The following AKAP13 variants were observed in gnomAD, a reference collection of about 807,000 sequenced individuals.
AKAP13 encodes A-kinase anchoring protein 13.
AKAP13 carries 80 observed loss-of-function variants against 264.5 expected under a neutral mutation model. The ratio of observed to expected loss-of-function variants is 0.30; its 90% CI spans 0.25 to 0.36. The LOEUF (loss-of-function observed/expected upper bound fraction) is 0.36. Ranked by LOEUF, AKAP13 falls within the 10% of genes least tolerant of loss-of-function variation. The probability of loss-of-function intolerance (pLI) is 1.00; values close to 1 mark genes in which losing one functional copy is unlikely to be tolerated. For missense variants in AKAP13, 3,712 were observed against 3,435.2 expected (o/e 1.08, Z -2.01); for synonymous variants, 1,380 against 1,250.2 (o/e 1.10, Z -2.19).
chr15:85,482,645 C>A (rs749359348), intron 1 of AKAP13, among the ~76,000 whole-genome samples: 3 of 152,184 alleles, frequency 2.0e-5, no homozygotes, highest in African/African-American at 4.8e-5. Context: ...TGAATCTGGT[C>A]TCTCCAACTT....
intron 1 of AKAP13, among the ~76,000 whole-genome samples, chr15:85,485,315 C>G (rs1391892382): frequency 6.6e-6 from 1 of 152,102 alleles, no homozygotes; most frequent in Admixed American, 6.5e-5. Context: ...TTTCCAGGCT[C>G]CCTAGTAAGA....
intron 1 of AKAP13, among the ~76,000 whole-genome samples, chr15:85,454,291 A>G (rs1489532280): frequency 6.6e-6 from 1 of 152,154 alleles, no homozygotes; most frequent in Non-Finnish European, 1.5e-5. Flanking sequence ...TGTTGGTCAG[A>G]CTGAAGACTG....
chr15:85,658,479 C>T (rs2083199380), intron 11 of AKAP13, 58 bp from the exon 12 acceptor site: 1 of 1,482,034 alleles, frequency 6.7e-7, no homozygotes, highest in South Asian at 1.1e-5. Flanking sequence ...ATGTTTCATG[C>T]ATTTGTATCC....
intron 7 of AKAP13, chr15:85,582,826 C>G (rs1023496622): frequency 4.1e-6 from 4 of 978,620 alleles, no homozygotes; most frequent in African/African-American, 3.5e-5. Flanking sequence ...GATTTCCGCC[C>G]AAGCCCAGTC....
chr15:85,599,621 C>G (rs1441365295), intron 8 of AKAP13, among the ~76,000 whole-genome samples: 1 of 152,172 alleles, frequency 6.6e-6, no homozygotes, highest in South Asian at 2.1e-4. Flanking sequence ...CCTAACAATG[C>G]CAAGTTTTCT....
chr15:85,530,892 A>C (rs1377762432), intron 3 of AKAP13, among the ~76,000 whole-genome samples: 1 of 152,120 alleles, frequency 6.6e-6, no homozygotes, highest in Non-Finnish European at 1.5e-5. Flanking sequence ...TTATTTATTT[A>C]TTTAGAGACA....
intron 1 of AKAP13, among the ~76,000 whole-genome samples, chr15:85,386,304 ATT>A (rs899215206): frequency 6.9e-6 from 1 of 145,918 alleles, no homozygotes; most frequent in Admixed American, 6.9e-5. Flanking sequence ...ACAAGTTATT[ATT>A]TTTTTTTTTA....
chr15:85,735,982 G>C (rs1308947751), intron 32 of AKAP13, 108 bp from the exon 33 acceptor site: 3 of 902,342 alleles, frequency 3.3e-6, no homozygotes, highest in Admixed American at 4.0e-5. Context: ...ACCTTAGTGA[G>C]AGGCTGTGGT....
intron 16 of AKAP13, chr15:85,691,725 C>T (rs1193197564): frequency 1.1e-5 from 5 of 447,620 alleles, no homozygotes; most frequent in Non-Finnish European, 2.2e-5. Flanking sequence ...TGTACCTAGC[C>T]CGGTTTTGGC....
chr15:85,623,253 AAAC>A (rs2081272800), intron 8 of AKAP13, among the ~76,000 whole-genome samples: 1 of 152,228 alleles, frequency 6.6e-6, no homozygotes, highest in African/African-American at 2.4e-5. Context: ...TAAACACTCA[AAAC>A]AACGTTTGTT....
intron 5 of AKAP13, among the ~76,000 whole-genome samples, chr15:85,557,358 C>T (rs2078187372): frequency 6.6e-6 from 1 of 152,132 alleles, no homozygotes; most frequent in Admixed American, 6.5e-5. Flanking sequence ...CAGCTTTTTA[C>T]AATCGTTTTA....
chr15:85,502,503 T>G (rs1264871373), intron 2 of AKAP13, among the ~76,000 whole-genome samples: 1 of 152,206 alleles, frequency 6.6e-6, no homozygotes, highest in Non-Finnish European at 1.5e-5. Context: ...TAGGCCTTCT[T>G]AGGCCTGGAA....
chr15:85,481,528 T>G (rs1367208971), intron 1 of AKAP13, among the ~76,000 whole-genome samples: 3 of 152,220 alleles, frequency 2.0e-5, no homozygotes, highest in Non-Finnish European at 4.4e-5. Context: ...AGCAGAAAAC[T>G]ATTAAATTTG....
At chr15:85,721,287 C>T (rs1027605985) in intron 23 of AKAP13, among the ~76,000 whole-genome samples, 14 of 152,220 alleles carry the variant, frequency 9.2e-5, no homozygotes, top group Non-Finnish European at 1.9e-4. Context: ...TCTGTCTCAG[C>T]TCCTCCATTG....
chr15:85,708,126 G>T lies in AKAP13; in HGVS notation c.5532+40G>T. The T allele has an allele frequency of 6.3e-7, 1 of 1,592,104 alleles. No individual in the cohort carries two copies. The highest frequency in any genetic ancestry group is 8.6e-7 in the Non-Finnish European group (1 of 1,163,428). ...CTAAAACAAGGCTTAAAATAAAAGG[G>T]TTTAAACCAGCAAAATCCTCGGGAG... On this transcript the variant is annotated intron_variant, in intron 18 of 36. Transcript: ENST00000394518. This position sits in a 1 kb window ranked among gnomAD's most constrained non-coding sequence, Gnocchi z 4.3.
intron 1 of AKAP13, among the ~76,000 whole-genome samples, chr15:85,465,484 A>G (rs1471113295): frequency 7.5e-6 from 1 of 133,062 alleles, no homozygotes; most frequent in Non-Finnish European, 1.6e-5. Flanking sequence ...TATATCTCCT[A>G]ATGCTATCCC....
chr15:85,427,993 T>G (rs1245240580), intron 1 of AKAP13, among the ~76,000 whole-genome samples: 2 of 152,206 alleles, frequency 1.3e-5, no homozygotes, highest in East Asian at 3.9e-4. Context: ...ACTGTCCAAC[T>G]TACACTCCTG....
intron 1 of AKAP13, among the ~76,000 whole-genome samples, chr15:85,413,331 A>G (rs893333617): frequency 5.3e-5 from 8 of 152,230 alleles, no homozygotes; most frequent in Non-Finnish European, 1.0e-4. Flanking sequence ...TATGGTTACT[A>G]GTAGTTAGTA....
At position 85,585,687 on chromosome 15, in the gene AKAP13, C is replaced by T. The variant is rs746953525; in HGVS notation, c.4040-15C>T. ...GTTTTTAAAAATGTACTCTGTAACC[C>T]CCCTGCACTTTCAGAAATGCCAGAC... On this transcript the variant is annotated splice_polypyrimidine_tract_variant and intron_variant, in intron 7 of 36. Transcript: ENST00000394518. The T allele has an allele frequency of 6.2e-7, 1 of 1,613,960 alleles. No homozygotes were observed.
Sources: allele counts gnomAD v4.1 joint callset (sites outside exome capture counted in the v4.1 genomes callset), GRCh38; gene constraint gnomAD v4.1.1; non-coding constraint Gnocchi (gnomAD v3.1); transcripts MANE v1.5; gene names NCBI Gene and HGNC (gene_info 2026-07-23, HGNC 2026-07-21).